The following EFCAB11 variants were observed in gnomAD, a reference collection of about 807,000 sequenced individuals.
EFCAB11 encodes EF-hand calcium binding domain 11, also known as EF-hand calcium-binding domain-containing protein 11.
A neutral mutation model predicts 23.0 loss-of-function variants in EFCAB11; 14 were observed. The ratio of observed to expected loss-of-function variants is 0.61; its 90% CI spans 0.40 to 0.95. The LOEUF is 0.95. Ranked by LOEUF, EFCAB11 falls within the 40% of genes least tolerant of loss-of-function variation. The probability of loss-of-function intolerance (pLI) is 0.00; values close to 1 mark genes in which losing one functional copy is unlikely to be tolerated. For missense variants in EFCAB11, 198 were observed against 195.8 expected (o/e 1.01, Z -0.07); for synonymous variants, 65 against 66.6 (o/e 0.98, Z 0.11).
In EFCAB11 at chr14:89,931,605, A is replaced by G; in HGVS notation, c.346T>C (p.Phe116Leu). 1 of 1,614,110 alleles carries G rather than the reference A, an allele frequency of 6.2e-7. No individual in the cohort carries two copies. The highest frequency in any genetic ancestry group is 8.5e-7 in the Non-Finnish European group (1 of 1,179,998). ...YYRGFLTLED[F>L]KKAFRQVAPK... The stretch of plus-strand genomic sequence containing the variant: ...GCCACCTGCCTAAATGCTTTTTTGA[A>G]ATCTTCCAAAGTTAAAAATCCACGA... The change falls in exon 5 of 6, where the codon TTC (phenylalanine) becomes CTC (leucine). Residue 116 changes from phenylalanine to leucine, a missense_variant. Phe to Leu is a conservative substitution (Grantham distance 22). Transcript: ENST00000316738.
intron 3 of EFCAB11, among the ~76,000 whole-genome samples, chr14:89,933,537 G>A (rs1890473914): frequency 6.6e-6 from 1 of 152,144 alleles, no homozygotes; most frequent in South Asian, 2.1e-4. Context: ...AAAAAATGTA[G>A]AAATGATTTT....
rs1286969 is a variant in EFCAB11 at position 89,795,279 on chromosome 14, T to C, written c.*1964A>G. On this transcript the variant is annotated 3_prime_UTR_variant, in exon 6 of 6. Transcript: ENST00000316738. ...TGGGATTACAGGCTGAGTCACTGTG[T>C]CCGGCCAATGTTTATTTTTTATTCC... 144,194 of 151,888 alleles carry C rather than the reference T, an allele frequency of 0.95. 68,798 individuals carry two copies. Among genetic ancestry groups the C allele is most frequent in the Non-Finnish European group, 1 (67,719 of 67,978 alleles). 9.4% of individuals were successfully genotyped at this position (151,888 alleles called of 1,614,324 possible). A position where few individuals can be genotyped will look rare whatever the true frequency, so the allele number is the denominator to read the frequency against.
chr14:89,833,961 A>G (rs1886968658), intron 5 of EFCAB11, among the ~76,000 whole-genome samples: 1 of 152,206 alleles, frequency 6.6e-6, no homozygotes, highest in South Asian at 2.1e-4. Flanking sequence ...ACATATAGCC[A>G]TATTAGTTCT....
intron 5 of EFCAB11, among the ~76,000 whole-genome samples, chr14:89,839,973 G>A (rs554916013): frequency 6.6e-6 from 1 of 152,320 alleles, no homozygotes; most frequent in East Asian, 1.9e-4. Context: ...TATGAGATGA[G>A]ATTTGGGCAG....
At chr14:89,867,148 G>GCA (rs1428959972) in intron 5 of EFCAB11, among the ~76,000 whole-genome samples, 44 of 152,306 alleles carry the variant, frequency 2.9e-4, no homozygotes, top group African/African-American at 9.9e-4. Flanking sequence ...CCAGGAACCA[G>GCA]GTCTCCTGCC....
At chr14:89,798,201 C>T (rs917350702) in intron 5 of EFCAB11, among the ~76,000 whole-genome samples, 25 of 152,344 alleles carry the variant, frequency 1.6e-4, no homozygotes, top group African/African-American at 6.0e-4. Flanking sequence ...CTGAATATTT[C>T]ATGCCAAAGT....
intron 5 of EFCAB11, among the ~76,000 whole-genome samples, chr14:89,800,904 G>A (rs1436095088): frequency 1.3e-5 from 2 of 151,946 alleles, no homozygotes; most frequent in African/African-American, 2.4e-5. Context: ...TTAGACAGGC[G>A]TGGTGGCATG....
chr14:89,899,119 C>T (rs1420672066), intron 5 of EFCAB11, among the ~76,000 whole-genome samples: 4 of 152,186 alleles, frequency 2.6e-5, no homozygotes, highest in Admixed American at 1.3e-4. Context: ...AGCTGTGTTA[C>T]ACGTAGAGAG....
At chr14:89,883,920 G>A (rs1279004672) in intron 5 of EFCAB11, among the ~76,000 whole-genome samples, 4 of 152,112 alleles carry the variant, frequency 2.6e-5, no homozygotes, top group Non-Finnish European at 5.9e-5. Flanking sequence ...GAGGCCAGGA[G>A]TTCAAGACTA....
chr14:89,802,998 T>C (rs79559088), intron 5 of EFCAB11, among the ~76,000 whole-genome samples: 3,912 of 152,238 alleles, frequency 0.026, 78 homozygotes, highest in Non-Finnish European at 0.04. Context: ...GAGGGGGCTG[T>C]CCTGGGCATT....
rs188178344 is a variant in EFCAB11, at chr14:89,795,851, T to C, written c.*1392A>G. 5.9e-5 allele frequency: 9 copies of C among 152,364 alleles called. No homozygotes were observed. Among genetic ancestry groups the C allele is most frequent in the Admixed American group, 5.2e-4 (8 of 15,306 alleles). 9.4% of individuals were successfully genotyped at this position (152,364 alleles called of 1,614,324 possible). A position where few individuals can be genotyped will look rare whatever the true frequency, so the allele number is the denominator to read the frequency against. ...TCATGTTATGCATTCCGTACACTTA[T>C]AAATAAGAGTACTGATACCAGTATT... On this transcript the variant is annotated 3_prime_UTR_variant, in exon 6 of 6. Transcript: ENST00000316738.
intron 5 of EFCAB11, among the ~76,000 whole-genome samples, chr14:89,882,120 A>G (rs1404448316): frequency 6.6e-6 from 1 of 152,220 alleles, no homozygotes; most frequent in Non-Finnish European, 1.5e-5. Flanking sequence ...CACATTTCTT[A>G]CCTAACATGA....
chr14:89,871,492 G>A (rs981411052), intron 5 of EFCAB11, among the ~76,000 whole-genome samples: 4 of 152,034 alleles, frequency 2.6e-5, no homozygotes, highest in South Asian at 2.1e-4. Flanking sequence ...CAACCAACCC[G>A]GGCACTTTCT....
intron 5 of EFCAB11, among the ~76,000 whole-genome samples, chr14:89,845,047 C>G (rs1887388879): frequency 6.6e-6 from 1 of 152,148 alleles, no homozygotes; most frequent in Non-Finnish European, 1.5e-5. Context: ...GTAAAAAAAT[C>G]TGTTTTGTTG....
At chr14:89,852,093 G>A (rs139433891) in intron 5 of EFCAB11, among the ~76,000 whole-genome samples, 26 of 152,306 alleles carry the variant, frequency 1.7e-4, no homozygotes, top group Middle Eastern at 3.4e-3. Context: ...CACATCACAC[G>A]TTTATTTGCT....
At chr14:89,869,625 C>T (rs1192807939) in intron 5 of EFCAB11, among the ~76,000 whole-genome samples, 1 of 152,228 alleles carries the variant, frequency 6.6e-6, no homozygotes, top group Non-Finnish European at 1.5e-5. Flanking sequence ...CAAAAAGTGA[C>T]TTCGCCTCTT....
intron 5 of EFCAB11, chr14:89,836,582 T>C (rs946417689): frequency 3.7e-5 from 17 of 456,618 alleles, no homozygotes; most frequent in African/African-American, 2.4e-4. Context: ...CCCTGTGCCA[T>C]AGATGTTCCA....
rs926945003 is a variant in EFCAB11 at position 89,795,763 on chromosome 14, T to C, written c.*1480A>G. 1.3e-5 allele frequency: 2 copies of C among 152,252 alleles called. No individual in the cohort carries two copies. Among genetic ancestry groups the C allele is most frequent in the Non-Finnish European group, 2.9e-5 (2 of 68,034 alleles). 9.4% of individuals were successfully genotyped at this position (152,252 alleles called of 1,614,324 possible). A position where few individuals can be genotyped will look rare whatever the true frequency, so the allele number is the denominator to read the frequency against. On this transcript the variant is annotated 3_prime_UTR_variant, in exon 6 of 6. Transcript: ENST00000316738. The stretch of plus-strand genomic sequence containing the variant: ...TTTCCATATTACAAATTTACAATTT[T>C]ACTTGACCTTTAAATTTTAACACTT...
intron 5 of EFCAB11, chr14:89,924,586 C>T (rs1214586222): frequency 2.0e-6 from 3 of 1,532,006 alleles, no homozygotes; most frequent in African/African-American, 2.8e-5. Flanking sequence ...GCCAGAAATA[C>T]CACAGGGTGT....
Sources: allele counts gnomAD v4.1 joint callset (sites outside exome capture counted in the v4.1 genomes callset), GRCh38; gene constraint gnomAD v4.1.1; transcripts MANE v1.5; gene names NCBI Gene and HGNC (gene_info 2026-07-23, HGNC 2026-07-21).